The following ROBO1 variants were observed in gnomAD, a reference collection of about 807,000 sequenced individuals.
ROBO1 encodes roundabout homolog 1.
Under a neutral mutation model 195.9 loss-of-function variants are expected in ROBO1, and 149 were observed. That is an observed-to-expected ratio of 0.76 (90% CI 0.67 to 0.87). ROBO1 has a LOEUF of 0.87. Among genes scored for constraint, ROBO1 ranks in the 40% least tolerant of loss-of-function variants. The probability of loss-of-function intolerance (pLI) is 0.00; values close to 1 mark genes in which losing one functional copy is unlikely to be tolerated. For missense variants in ROBO1, 1,933 were observed against 2,068.3 expected, an observed-to-expected ratio of 0.93 and a Z score of 1.27; for synonymous variants, 816 against 733.2, an observed-to-expected ratio of 1.11 and a Z score of -1.82.
chr3:78,855,340 C>T (rs1395407833), intron 4 of ROBO1, among the ~76,000 whole-genome samples: 2 of 152,138 alleles, frequency 1.3e-5, no homozygotes, highest in Non-Finnish European at 2.9e-5. Flanking sequence ...GCTTGATTAA[C>T]GTAAGTCTAC....
chr3:78,781,714 G>A (rs2083683336), intron 4 of ROBO1, among the ~76,000 whole-genome samples: 1 of 150,338 alleles, frequency 6.7e-6, no homozygotes, highest in Admixed American at 6.6e-5. Flanking sequence ...TAGAGTGAGT[G>A]AACAACATTC....
chr3:79,500,847 G>A (rs942830583), intron 2 of ROBO1, among the ~76,000 whole-genome samples: 4 of 152,134 alleles, frequency 2.6e-5, no homozygotes, highest in Admixed American at 6.5e-5. Context: ...TAGCAAGGGG[G>A]ACCTAGCAAC....
chr3:79,461,799 A>G (rs1282004538), intron 2 of ROBO1, among the ~76,000 whole-genome samples: 3 of 152,154 alleles, frequency 2.0e-5, no homozygotes, highest in Non-Finnish European at 4.4e-5. Context: ...TATCATTTTG[A>G]CATAATGTTT....
intron 3 of ROBO1, among the ~76,000 whole-genome samples, chr3:78,972,266 C>T (rs2076785991): frequency 6.6e-6 from 1 of 152,046 alleles, no homozygotes; most frequent in African/African-American, 2.4e-5. Flanking sequence ...CAAAGGCAAA[C>T]CTTTGAAGGT....
At chr3:79,464,870 C>T (rs1937871250) in intron 2 of ROBO1, among the ~76,000 whole-genome samples, 1 of 152,164 alleles carries the variant, frequency 6.6e-6, no homozygotes, top group South Asian at 2.1e-4. Context: ...AGGTACTCTA[C>T]ACATGACTCC....
chr3:79,380,948 T>G (rs535389452), intron 2 of ROBO1, among the ~76,000 whole-genome samples: 1 of 152,176 alleles, frequency 6.6e-6, no homozygotes, highest in Non-Finnish European at 1.5e-5. Flanking sequence ...GCTACTAGAC[T>G]AGAGAGCTTT....
intron 1 of ROBO1, among the ~76,000 whole-genome samples, chr3:79,615,378 A>G (rs1029512989): frequency 1.3e-5 from 2 of 152,292 alleles, no homozygotes; most frequent in East Asian, 3.9e-4. Flanking sequence ...ACCAATGCAC[A>G]ACGTACATGT....
intron 26 of ROBO1, among the ~76,000 whole-genome samples, chr3:78,626,581 C>CA (rs956304047): frequency 6.6e-6 from 1 of 151,598 alleles, no homozygotes; most frequent in Non-Finnish European, 1.5e-5. Context: ...GTGTCAAGGG[C>CA]AAAAAAACAG....
chr3:79,277,813 G>A (rs1304589434), intron 2 of ROBO1, among the ~76,000 whole-genome samples: 1 of 151,244 alleles, frequency 6.6e-6, no homozygotes, highest in Non-Finnish European at 1.5e-5. Flanking sequence ...ACACTTGGAA[G>A]TCATACCCAG....
At chr3:79,060,977 A>C (rs767073665) in intron 3 of ROBO1, among the ~76,000 whole-genome samples, 1 of 152,162 alleles carries the variant, frequency 6.6e-6, no homozygotes, top group African/African-American at 2.4e-5. Flanking sequence ...CCTATTCAAC[A>C]TACTGTTGAA....
At chr3:79,491,676 T>A (rs764781105) in intron 2 of ROBO1, among the ~76,000 whole-genome samples, 2 of 152,070 alleles carry the variant, frequency 1.3e-5, no homozygotes. Context: ...ATCCTTAGAG[T>A]AGTACATTTT....
intron 4 of ROBO1, among the ~76,000 whole-genome samples, chr3:78,858,814 G>A (rs533549149): frequency 1.4e-5 from 2 of 147,074 alleles, no homozygotes; most frequent in Admixed American, 6.9e-5. Flanking sequence ...AATAGAAAGC[G>A]GGAGCCTGAA....
chr3:79,009,328 T>C (rs958811058), intron 3 of ROBO1, among the ~76,000 whole-genome samples: 3 of 152,078 alleles, frequency 2.0e-5, no homozygotes, highest in African/African-American at 7.2e-5. Flanking sequence ...TTAGACATGA[T>C]ACTGTTTTGA....
chr3:79,134,968 G>T (rs1335567385), intron 2 of ROBO1, among the ~76,000 whole-genome samples: 3 of 144,382 alleles, frequency 2.1e-5, no homozygotes, highest in Non-Finnish European at 4.5e-5. Flanking sequence ...CAGCGCACCA[G>T]CATGGCACAT....
chr3:79,287,113 G>GT (rs1036894004), intron 2 of ROBO1, among the ~76,000 whole-genome samples: 3 of 152,076 alleles, frequency 2.0e-5, no homozygotes, highest in Non-Finnish European at 4.4e-5. Context: ...TCATGTAATG[G>GT]TAACACTAAA....
At chr3:78,894,846 A>C (rs2037136253) in intron 4 of ROBO1, among the ~76,000 whole-genome samples, 1 of 152,212 alleles carries the variant, frequency 6.6e-6, no homozygotes, top group African/African-American at 2.4e-5. Context: ...GATTCTGTTA[A>C]TCAATTAGCT....
chr3:79,698,520 T>C (rs1413412111), intron 1 of ROBO1, among the ~76,000 whole-genome samples: 1 of 151,548 alleles, frequency 6.6e-6, no homozygotes, highest in Non-Finnish European at 1.5e-5. Flanking sequence ...AATTCTAGAC[T>C]ATTTTTCATA....
intron 2 of ROBO1, among the ~76,000 whole-genome samples, chr3:79,256,642 T>C (rs991511133): frequency 2.6e-5 from 4 of 152,150 alleles, no homozygotes; most frequent in Non-Finnish European, 4.4e-5. Flanking sequence ...ATCAAGATAT[T>C]TGATGAACTC....
intron 1 of ROBO1, among the ~76,000 whole-genome samples, chr3:79,731,867 GT>G (rs1375663623): frequency 2.6e-5 from 4 of 152,032 alleles, no homozygotes; most frequent in South Asian, 2.1e-4. Flanking sequence ...GGTGAAATAA[GT>G]TTTTTTTATC....
Sources: gnomAD v4.1 joint callset for allele counts (sites outside exome capture counted in the v4.1 genomes callset) on GRCh38, gnomAD v4.1.1 for gene constraint, MANE v1.5 for transcripts, NCBI Gene and HGNC (gene_info 2026-07-23, HGNC 2026-07-21) for gene names.